Variants in BBX observed in about 807,000 individuals in gnomAD.
BBX encodes HMG box transcription factor BBX.
BBX carries 30 observed loss-of-function variants against 100.2 expected under a neutral mutation model. The observed-to-expected ratio is 0.30, with a 90% CI of 0.22 to 0.41. The LOEUF is 0.41. Among genes scored for constraint, BBX ranks in the 10% least tolerant of loss-of-function variants. BBX has a pLI of 1.00. For synonymous variants in BBX, 376 were observed against 388.1 expected (o/e 0.97, Z 0.37); for missense variants, 1,023 against 1,129.8 (o/e 0.91, Z 1.35).
At chr3:107,572,317 A>T (rs1282642233) in intron 2 of BBX, among the ~76,000 whole-genome samples, 2 of 152,050 alleles carry the variant, frequency 1.3e-5, no homozygotes, top group Admixed American at 6.6e-5. Flanking sequence ...ATTTTTTTTT[A>T]AATGTGAGCA....
intron 2 of BBX, among the ~76,000 whole-genome samples, chr3:107,584,358 TTTTTC>T (rs1399088893): frequency 3.4e-5 from 5 of 147,484 alleles, no homozygotes; most frequent in Non-Finnish European, 3.0e-5. Flanking sequence ...ACAATACTAT[TTTTTC>T]TTTAGTTTTG....
At chr3:107,531,533 C>T (rs183102117) in intron 2 of BBX, among the ~76,000 whole-genome samples, 4 of 152,030 alleles carry the variant, frequency 2.6e-5, no homozygotes. Context: ...CATCTCATCT[C>T]ACCCTACCCT....
rs1198168927 is a variant in BBX at position 107,807,464 on chromosome 3, G to A, written c.*2007G>A. 6.6e-6 allele frequency: 1 copy of A among 152,102 alleles called. No individual in the cohort carries two copies. Among genetic ancestry groups the A allele is most frequent in the East Asian group, 1.9e-4 (1 of 5,202 alleles). The allele number at this position is 152,102 out of a possible 1,614,324, so 9.4% of individuals were successfully genotyped here. A position where few individuals can be genotyped will look rare whatever the true frequency, so the allele number is the denominator to read the frequency against. On this transcript the variant is annotated 3_prime_UTR_variant, in exon 18 of 18. Transcript: ENST00000325805. ...AAATTGCTGGGTCCCGATGTTGGTG[G>A]CTGTTGGAGTTTTGGACCACTCGCT...
chr3:107,701,815 T>TAAAAAAAA (rs60516191), intron 3 of BBX, among the ~76,000 whole-genome samples: 1 of 148,330 alleles, frequency 6.7e-6, no homozygotes. Context: ...TTCTCATCTG[T>TAAAAAAAA]AAAAAAAAAA....
intron 2 of BBX, among the ~76,000 whole-genome samples, chr3:107,621,235 T>A (rs936771406): frequency 1.3e-5 from 2 of 152,226 alleles, no homozygotes; most frequent in African/African-American, 4.8e-5. Context: ...GTCTGTGCCC[T>A]GTTGGCATTT....
chr3:107,651,854 G>A (rs574036294), intron 3 of BBX, among the ~76,000 whole-genome samples: 1 of 151,902 alleles, frequency 6.6e-6, no homozygotes, highest in African/African-American at 2.4e-5. Flanking sequence ...GCCTTATTTT[G>A]TTGTTGTTGT....
In BBX at chr3:107,773,230, T is replaced by C. The variant is rs1470062878; in HGVS notation, c.1509T>C (p.Leu503=). 1.2e-6 allele frequency: 2 copies of C among 1,613,906 alleles called. No individual in the cohort carries two copies. Among genetic ancestry groups the C allele is most frequent in the East Asian group, 2.2e-5 (1 of 44,880 alleles). The change falls in exon 11 of 18, where the codon CTT becomes CTC. Residue 503 remains leucine (L), a synonymous_variant. Transcript: ENST00000325805. This position sits in a 1 kb window ranked among gnomAD's most constrained non-coding sequence, Gnocchi z 4.1. ...AAGGAGACTGGGGCATAGAGAAACT[T>C]GGAGATACCCCTCGCAAGAAGGTCC... The part of the protein sequence containing the change: ...VAKGDWGIEK[L]GDTPRKKVRT...
chr3:107,697,646 TTTTG>T (rs2060723080), intron 3 of BBX, among the ~76,000 whole-genome samples: 2 of 151,846 alleles, frequency 1.3e-5, no homozygotes, highest in Admixed American at 1.3e-4. Context: ...ACTGCTGTCT[TTTTG>T]TTTGTCTGTG....
At chr3:107,791,016 A>G (rs1158009721) in intron 14 of BBX, among the ~76,000 whole-genome samples, 4 of 152,194 alleles carry the variant, frequency 2.6e-5, no homozygotes, top group African/African-American at 7.2e-5. Flanking sequence ...ATCCAACACT[A>G]TATTTCATAA....
intron 10 of BBX, among the ~76,000 whole-genome samples, chr3:107,758,236 G>C (rs368984351): frequency 1.3e-5 from 2 of 152,110 alleles, no homozygotes; most frequent in African/African-American, 4.8e-5. Context: ...TTCTTCTTTG[G>C]CAAGAAACAA....
intron 3 of BBX, among the ~76,000 whole-genome samples, chr3:107,660,802 A>G (rs2058407280): frequency 6.6e-6 from 1 of 152,200 alleles, no homozygotes; most frequent in Non-Finnish European, 1.5e-5. Context: ...GCCCCTCAAA[A>G]GAGAATACTC....
chr3:107,531,496 A>G (rs1307173355), intron 2 of BBX, among the ~76,000 whole-genome samples: 1 of 152,116 alleles, frequency 6.6e-6, no homozygotes, highest in African/African-American at 2.4e-5. Context: ...GTTAGCGCTC[A>G]ATATATAGTC....
rs560136723 is a variant in BBX, at chr3:107,703,432, GT to G, written c.-9-7018del. Among the ~76,000 whole-genome samples the G allele has an allele frequency of 2.6e-4, 39 of 152,250 alleles. No individual in the cohort carries two copies. In the East Asian group the frequency reaches 7.5e-3, roughly 29 times the overall value. On this transcript the variant is annotated intron_variant, in intron 3 of 17. Transcript: ENST00000325805. Reference sequence around the variant, plus strand: ...GAACAGCATTCCATTTGAGAACCATGTTAAGCTGTCCCAAGGCTAAGTGTCG... The same window carrying G: ...GAACAGCATTCCATTTGAGAACCATGTAAGCTGTCCCAAGGCTAAGTGTCG...
At chr3:107,760,750 G>A (rs886489345) in intron 10 of BBX, among the ~76,000 whole-genome samples, 3 of 152,082 alleles carry the variant, frequency 2.0e-5, no homozygotes, top group Non-Finnish European at 4.4e-5. Context: ...AGTTACTTAG[G>A]AACCACTAGA....
intron 3 of BBX, among the ~76,000 whole-genome samples, chr3:107,666,099 G>T (rs1017320066): frequency 1.3e-5 from 2 of 152,124 alleles, no homozygotes; most frequent in African/African-American, 4.8e-5. Context: ...TGTGTTGCTG[G>T]TCCTGGATTC....
At chr3:107,597,706 G>A (rs1309948063) in intron 2 of BBX, among the ~76,000 whole-genome samples, 1 of 152,106 alleles carries the variant, frequency 6.6e-6, no homozygotes, top group African/African-American at 2.4e-5. Context: ...ACTCAATTAG[G>A]TCCTTCTCCA....
chr3:107,744,683 G>C lies in BBX; in HGVS notation c.723G>C (p.Gln241His). ...PDVSESPELR[Q>H]KSPLFQFAEI... ...TTTCAGAATCTCCTGAATTACGTCA[G>C]AAGTCACCATTGTTTCAGTTTGCCG... is the stretch of plus-strand genomic sequence containing the variant. The change falls in exon 8 of 18, where the codon CAG (glutamine) becomes CAC (histidine). Residue 241 changes from glutamine (Q) to histidine (H), a missense_variant. By Grantham distance (24) the Gln-to-His change is conservative. Coordinates refer to ENST00000325805, the MANE Select transcript of BBX (RefSeq NM_001142568.3). 1.2e-6 allele frequency: 2 copies of C among 1,613,302 alleles called. No homozygotes were observed. Among genetic ancestry groups the C allele is most frequent in the African/African-American group, 2.7e-5 (2 of 74,986 alleles).
chr3:107,589,139 C>A (rs774822040), intron 2 of BBX, among the ~76,000 whole-genome samples: 1 of 152,112 alleles, frequency 6.6e-6, no homozygotes, highest in African/African-American at 2.4e-5. Context: ...CATATTTTAA[C>A]GTGAACTTGA....
intron 3 of BBX, chr3:107,662,795 C>T (rs1279172754): frequency 6.6e-6 from 1 of 152,056 alleles, no homozygotes; most frequent in East Asian, 1.9e-4. Flanking sequence ...GTTGGGCAAT[C>T]TACTTCACAA....
Sources: allele counts gnomAD v4.1 joint callset (sites outside exome capture counted in the v4.1 genomes callset), GRCh38; gene constraint gnomAD v4.1.1; non-coding constraint Gnocchi (gnomAD v3.1); transcripts MANE v1.5; gene names NCBI Gene and HGNC (gene_info 2026-07-23, HGNC 2026-07-21).